The following TNFAIP8 variants were observed in gnomAD, a reference collection of about 807,000 sequenced individuals.
TNFAIP8 encodes TNF alpha induced protein 8, also known as tumor necrosis factor alpha-induced protein 8.
A neutral mutation model predicts 13.3 loss-of-function variants in TNFAIP8; 7 were observed. The ratio of observed to expected loss-of-function variants is 0.52; its 90% CI spans 0.30 to 0.99. The LOEUF (loss-of-function observed/expected upper bound fraction) is 0.99. Among genes scored for constraint, TNFAIP8 ranks in the 50% least tolerant of loss-of-function variants. The probability of loss-of-function intolerance (pLI) is 0.07; values close to 1 mark genes in which losing one functional copy is unlikely to be tolerated. For synonymous variants in TNFAIP8, 94 were observed against 87.6 expected, an observed-to-expected ratio of 1.07 and a Z score of -0.41; for missense variants, 258 against 236.9, an observed-to-expected ratio of 1.09 and a Z score of -0.58.
intron 1 of TNFAIP8, among the ~76,000 whole-genome samples, chr5:119,358,245 AT>A (rs1411434076): frequency 2.0e-5 from 3 of 151,920 alleles, no homozygotes. Context: ...CTTTTAAGTC[AT>A]TTTTCTCAAC....
chr5:119,377,942 G>C (rs970471514), intron 1 of TNFAIP8, among the ~76,000 whole-genome samples: 1 of 149,746 alleles, frequency 6.7e-6, no homozygotes, highest in Non-Finnish European at 1.5e-5. Flanking sequence ...TGTGTAGATG[G>C]CCAGGAGGGA....
chr5:119,382,723 C>T (rs546627991), intron 1 of TNFAIP8, among the ~76,000 whole-genome samples: 1 of 152,334 alleles, frequency 6.6e-6, no homozygotes, highest in African/African-American at 2.4e-5. Flanking sequence ...GCTCCAGGCA[C>T]ATGAGCACTC....
rs1753071092 is a variant in TNFAIP8 at position 119,396,325 on chromosome 5, A to G, written c.*2944A>G. Reference sequence around the variant, plus strand: ...ATCTGTGTAGATGTTGTACAAAGACATTTTTCAAAGTTTTCAACATGACTC... The same window carrying G: ...ATCTGTGTAGATGTTGTACAAAGACGTTTTTCAAAGTTTTCAACATGACTC... On this transcript the variant is annotated 3_prime_UTR_variant, in exon 2 of 2. Transcript: ENST00000504771. 6.6e-6 allele frequency: 1 copy of G among 151,486 alleles called. No individual in the cohort carries two copies. The highest frequency in any genetic ancestry group is 2.1e-4 in the South Asian group (1 of 4,786). The allele number at this position is 151,486 out of a possible 1,614,324, so 9.4% of individuals were successfully genotyped here.
At chr5:119,390,325 G>C (rs771437104) in intron 1 of TNFAIP8, among the ~76,000 whole-genome samples, 2 of 151,876 alleles carry the variant, frequency 1.3e-5, no homozygotes, top group Non-Finnish European at 2.9e-5. Flanking sequence ...TTTTTTTTGA[G>C]GTCTATATCA....
Position 119,272,122 on chromosome 5 carries a change from G to C in TNFAIP8, c.1+3215G>C, listed in dbSNP as rs528221942. Among the ~76,000 whole-genome samples the C allele has an allele frequency of 1.6e-4, 24 of 152,304 alleles. No homozygotes were observed. The South Asian group carries it at 4.1e-3, about 26-fold the overall frequency. On this transcript the variant is annotated intron_variant, in intron 1 of 1. Transcript: ENST00000274456. ...TTTAGCCTACATTTTGGCCTGAAGA[G>C]GAGGAAATGAGCTACAAGTGGAGGG...
At chr5:119,282,280 A>G (rs1373904053) in intron 1 of TNFAIP8, among the ~76,000 whole-genome samples, 1 of 52,894 alleles carries the variant, frequency 1.9e-5, no homozygotes, top group East Asian at 5.4e-3. Flanking sequence ...CCTTGTAAAG[A>G]GTTCAGTTAA....
chr5:119,311,472 A>T (rs1325879528), intron 1 of TNFAIP8, among the ~76,000 whole-genome samples: 4 of 152,002 alleles, frequency 2.6e-5, no homozygotes, highest in Non-Finnish European at 4.4e-5. Flanking sequence ...CAGGTGGATC[A>T]CAAGGTCAGG....
intron 1 of TNFAIP8, among the ~76,000 whole-genome samples, chr5:119,346,062 G>A (rs1271825754): frequency 6.6e-6 from 1 of 152,166 alleles, no homozygotes; most frequent in Non-Finnish European, 1.5e-5. Flanking sequence ...GCTTCTCTCT[G>A]CTCCAGACCT....
chr5:119,357,957 T>G (rs1751496174), intron 1 of TNFAIP8, among the ~76,000 whole-genome samples: 1 of 152,132 alleles, frequency 6.6e-6, no homozygotes, highest in Non-Finnish European at 1.5e-5. Context: ...TGGGTGTGTT[T>G]TCTCCAAGGC....
intron 1 of TNFAIP8, among the ~76,000 whole-genome samples, chr5:119,374,567 G>A (rs1752208106): frequency 6.6e-6 from 1 of 152,204 alleles, no homozygotes; most frequent in South Asian, 2.1e-4. Context: ...AGAGTTGGAC[G>A]CCTTCTAGCT....
Position 119,334,139 on chromosome 5 carries a change from C to CAAAAAAAAAAAAAA in TNFAIP8, c.2-58675_2-58662dup, listed in dbSNP as rs57346323. On this transcript the variant is annotated intron_variant, in intron 1 of 1. Coordinates refer to the TNFAIP8 transcript ENST00000274456. ...TGCTGTTGCCATTTTCTCTAACAAC[C>CAAAAAAAAAAAAAA]AAAAAAAAAAAAAAACGGTTTACCT... Among the ~76,000 whole-genome samples the CAAAAAAAAAAAAAA allele has an allele frequency of 1.9e-5, 2 of 104,454 alleles. 1 individual carries two copies. The highest frequency in any genetic ancestry group is 6.4e-5 in the African/African-American group (2 of 31,158). The allele number at this position is 104,454 out of a possible 152,430, so 68.5% of individuals were successfully genotyped here. A position where few individuals can be genotyped will look rare whatever the true frequency, so the allele number is the denominator to read the frequency against.
At chr5:119,350,979 TAG>T (rs1554176885) in intron 1 of TNFAIP8, among the ~76,000 whole-genome samples, 1 of 132,438 alleles carries the variant, frequency 7.6e-6, no homozygotes, top group Non-Finnish European at 1.7e-5. Context: ...TGTGTGTGTG[TAG>T]AGAGAGGGGT....
chr5:119,268,940 A>T (rs1442636878), intron 1 of TNFAIP8: 8 of 694,540 alleles, frequency 1.2e-5, no homozygotes, highest in African/African-American at 1.8e-5. Context: ...CGTCCCGCGC[A>T]CACTCCAGCG....
At chr5:119,330,527 G>T (rs1231724195) in intron 1 of TNFAIP8, among the ~76,000 whole-genome samples, 1 of 152,134 alleles carries the variant, frequency 6.6e-6, no homozygotes, top group Non-Finnish European at 1.5e-5. Context: ...TAGGGGTTAG[G>T]CCTCATGGCC....
chr5:119,393,258 G>T lies in TNFAIP8; in HGVS notation c.474G>T (p.Val158=), dbSNP rs3203922. 1 of 1,613,558 alleles carries T rather than the reference G, an allele frequency of 6.2e-7. No homozygotes were observed. The highest frequency in any genetic ancestry group is 8.5e-7 in the Non-Finnish European group (1 of 1,179,808). The part of the protein sequence containing the change: ...TAKSHGRVNN[V]FDHFSDCEFL... ...AGTCACATGGACGGGTTAATAATGTGTTTGATCATTTTTCAGATTGTGAAT... is the reference window on the plus strand; with the variant it reads ...AGTCACATGGACGGGTTAATAATGTTTTTGATCATTTTTCAGATTGTGAAT... Residue 158 remains valine (V), a synonymous_variant, in exon 2 of 2, where the codon GTG becomes GTT. Transcript: ENST00000504771.
intron 1 of TNFAIP8, among the ~76,000 whole-genome samples, chr5:119,330,811 CCCTAATGACAGCTTATTTG>C (rs1199329560): frequency 6.6e-6 from 1 of 152,184 alleles, no homozygotes; most frequent in Non-Finnish European, 1.5e-5. Flanking sequence ...CCGCAGACTT[CCCTAATGACAGCTTATTTG>C]GTATTACTGT....
At chr5:119,270,412 T>C (rs1008990801) in intron 1 of TNFAIP8, among the ~76,000 whole-genome samples, 1 of 152,240 alleles carries the variant, frequency 6.6e-6, no homozygotes, top group Non-Finnish European at 1.5e-5. Context: ...TCATGAGCAG[T>C]TAAGTCAGCA....
chr5:119,303,759 G>A (rs1460621469), intron 1 of TNFAIP8, among the ~76,000 whole-genome samples: 1 of 152,158 alleles, frequency 6.6e-6, no homozygotes, highest in Non-Finnish European at 1.5e-5. Flanking sequence ...TTCATGAGAT[G>A]GTTCCCCTTC....
intron 1 of TNFAIP8, among the ~76,000 whole-genome samples, chr5:119,379,068 A>C (rs1392894566): frequency 6.6e-6 from 1 of 152,240 alleles, no homozygotes; most frequent in Non-Finnish European, 1.5e-5. Flanking sequence ...GTCTTTTAAA[A>C]ATAAATAAAA....
Sources: allele counts gnomAD v4.1 joint callset (sites outside exome capture counted in the v4.1 genomes callset), GRCh38; gene constraint gnomAD v4.1.1; transcripts MANE v1.5; gene names NCBI Gene and HGNC (gene_info 2026-07-23, HGNC 2026-07-21).